Variants in WDR41 observed in about 807,000 individuals in gnomAD.
The protein encoded by WDR41 is WD repeat-containing protein 41.
WDR41 carries 63 observed loss-of-function variants against 69.3 expected under a neutral mutation model. The observed-to-expected ratio is 0.91, with a 90% confidence interval of 0.74 to 1.12. WDR41 has a LOEUF of 1.12. Among genes scored for constraint, WDR41 ranks in the 50% most tolerant of loss-of-function variants. The probability of loss-of-function intolerance (pLI) is 0.00; values close to 1 mark genes in which losing one functional copy is unlikely to be tolerated. For synonymous variants in WDR41, 185 were observed against 192.1 expected, an observed-to-expected ratio of 0.96 and a Z score of 0.31; for missense variants, 543 against 534.5, an observed-to-expected ratio of 1.02 and a Z score of -0.16.
chr5:77,611,426 T>A (rs1336263733), intron 1 of WDR41, among the ~76,000 whole-genome samples: 1 of 152,090 alleles, frequency 6.6e-6, no homozygotes, highest in African/African-American at 2.4e-5. Context: ...CCTCAGCAAA[T>A]GTAAAAGAAC....
intron 1 of WDR41, among the ~76,000 whole-genome samples, chr5:77,565,354 A>G (rs968367021): frequency 6.6e-6 from 1 of 152,112 alleles, no homozygotes; most frequent in Non-Finnish European, 1.5e-5. Context: ...CCAATTCCTA[A>G]AAGTCTCCAT....
chr5:77,549,899 A>T (rs1479802712), intron 1 of WDR41, among the ~76,000 whole-genome samples: 1 of 152,212 alleles, frequency 6.6e-6, no homozygotes, highest in African/African-American at 2.4e-5. Context: ...AAACAGACAC[A>T]TAGACCAATG....
intron 2 of WDR41, among the ~76,000 whole-genome samples, chr5:77,476,708 G>T (rs7735450): frequency 2.0e-5 from 3 of 150,722 alleles, no homozygotes; most frequent in Non-Finnish European, 4.4e-5. Flanking sequence ...AGTACCAGCT[G>T]CTGCAAAATC....
intron 1 of WDR41, among the ~76,000 whole-genome samples, chr5:77,535,926 C>T (rs1263407966): frequency 6.6e-6 from 1 of 152,170 alleles, no homozygotes; most frequent in Admixed American, 6.5e-5. Context: ...GTTTTTCTTT[C>T]ATCTGCCCTT....
intron 2 of WDR41, among the ~76,000 whole-genome samples, chr5:77,483,626 GAA>G (rs1446620497): frequency 1.3e-5 from 2 of 151,898 alleles, no homozygotes; most frequent in Non-Finnish European, 2.9e-5. Context: ...ATAGGTAGAA[GAA>G]AAGTGTTTTC....
rs918393154 is a variant in WDR41, at chr5:77,591,291, T to C, written c.42+29188A>G. 7.9e-5 allele frequency among the ~76,000 whole-genome samples: 12 copies of C among 152,116 alleles called. No homozygotes were observed. The East Asian group carries it at 2.1e-3, about 27-fold the overall frequency. Reference sequence around the variant, plus strand: ...TATTGGTCATTTGTGCCTTCTCTGCTTTTTTTCCTCATCAGTATTAGCAGG... The same window carrying C: ...TATTGGTCATTTGTGCCTTCTCTGCCTTTTTTCCTCATCAGTATTAGCAGG... On this transcript the variant is annotated intron_variant, in intron 1 of 5. Transcript: ENST00000509971.
At chr5:77,525,059 C>T (rs1802425814) in intron 1 of WDR41, among the ~76,000 whole-genome samples, 1 of 152,138 alleles carries the variant, frequency 6.6e-6, no homozygotes, top group Non-Finnish European at 1.5e-5. Context: ...TTTAAAACTA[C>T]AGCTAAATGA....
intron 1 of WDR41, among the ~76,000 whole-genome samples, chr5:77,613,532 C>T (rs1328371235): frequency 6.6e-6 from 1 of 152,006 alleles, no homozygotes; most frequent in Admixed American, 6.6e-5. Flanking sequence ...CTGAGAAAAA[C>T]AAGAAATGGG....
chr5:77,486,690 A>T (rs900169985), intron 2 of WDR41, among the ~76,000 whole-genome samples: 6 of 152,086 alleles, frequency 3.9e-5, no homozygotes, highest in African/African-American at 1.4e-4. Context: ...TTCAGCTGAG[A>T]CCTTCAGCTG....
At chr5:77,477,513 A>C in intron 2 of WDR41, among the ~76,000 whole-genome samples, 1 of 87,900 alleles carries the variant, frequency 1.1e-5, no homozygotes, top group South Asian at 3.9e-4. Flanking sequence ...ACTCAGGATT[A>C]AGAATCCCAC....
chr5:77,620,347 T>C (rs1325906831), intron 1 of WDR41: 5 of 372,554 alleles, frequency 1.3e-5, no homozygotes, highest in African/African-American at 1.1e-4. Context: ...TAAGTCTCTT[T>C]AGTCAAAATG....
At chr5:77,542,528 A>G (rs1743110210) in intron 1 of WDR41, among the ~76,000 whole-genome samples, 1 of 152,248 alleles carries the variant, frequency 6.6e-6, no homozygotes, top group Admixed American at 6.5e-5. Context: ...TGATTCTTAT[A>G]AAATAAAAAT....
intron 4 of WDR41, among the ~76,000 whole-genome samples, chr5:77,461,583 A>C (rs1437066330): frequency 6.6e-5 from 10 of 152,262 alleles, no homozygotes; most frequent in African/African-American, 2.4e-4. Flanking sequence ...CATGCCAGTA[A>C]TCCCAGCACT....
Position 77,451,319 on chromosome 5 carries a change from A to C in WDR41, c.558T>G (p.Cys186Trp). ...GTTCTTTGCCAACTGCTGCCACAAC[A>C]CAGTTCTTAGGTATTTCAACCAAAG... is the stretch of plus-strand genomic sequence containing the variant. ...ISALVEIPKN[C>W]VVAAVGKELI... Residue 186 changes from cysteine (C) to tryptophan (W), a missense_variant, in exon 7 of 13, where the codon TGT (cysteine) becomes TGG (tryptophan). Coordinates refer to ENST00000296679, the MANE Select transcript of WDR41 (RefSeq NM_018268.4). 1 of 1,613,744 alleles carries C rather than the reference A, an allele frequency of 6.2e-7. No individual in the cohort carries two copies. Among genetic ancestry groups the C allele is most frequent in the Non-Finnish European group, 8.5e-7 (1 of 1,179,748 alleles).
At chr5:77,447,793 C>G (rs1268230893) in intron 8 of WDR41, among the ~76,000 whole-genome samples, 1 of 152,038 alleles carries the variant, frequency 6.6e-6, no homozygotes, top group East Asian at 1.9e-4. Flanking sequence ...ACTGAGAGGA[C>G]AGGTTGATAG....
At chr5:77,522,795 G>A (rs1307285961) in intron 1 of WDR41, among the ~76,000 whole-genome samples, 1 of 152,134 alleles carries the variant, frequency 6.6e-6, no homozygotes, top group African/African-American at 2.4e-5. Context: ...AGTATGAGGT[G>A]TTTGAGCAAG....
chr5:77,432,948 G>A lies in WDR41; in HGVS notation c.*187C>T, dbSNP rs1798782415. The A allele has an allele frequency of 5.4e-6, 3 of 558,836 alleles. No homozygotes were observed. The highest frequency in any genetic ancestry group is 9.1e-6 in the Non-Finnish European group (3 of 327,884). 34.6% of individuals were successfully genotyped at this position (558,836 alleles called of 1,614,324 possible). On this transcript the variant is annotated 3_prime_UTR_variant, in exon 13 of 13. Coordinates refer to ENST00000296679, the MANE Select transcript of WDR41 (RefSeq NM_018268.4). ...AAAACTTGTGGTATATTCTTTGGAG[G>A]ATATACTAGGACCTGAGAAGCAACA...
chr5:77,558,115 AAC>A lies in WDR41; in HGVS notation c.42+62362_42+62363del, dbSNP rs1470755880. Among the ~76,000 whole-genome samples, 24 of 146,420 alleles carry A rather than the reference AAC, an allele frequency of 1.6e-4. 1 individual carries two copies. Among genetic ancestry groups the A allele is most frequent in the South Asian group, 2.2e-4 (1 of 4,624 alleles). ...TTTTTAAAAAAAAAAAAAAAAAAAA[AAC>A]AAAACAGGAGTAGGTATGTAGGTAA... is the stretch of plus-strand genomic sequence containing the variant. On this transcript the variant is annotated intron_variant, in intron 1 of 5. Transcript: ENST00000509971.
intron 1 of WDR41, among the ~76,000 whole-genome samples, chr5:77,605,670 GAC>G (rs902634090): frequency 6.6e-6 from 1 of 152,196 alleles, no homozygotes; most frequent in African/African-American, 2.4e-5. Flanking sequence ...AGTATCCACA[GAC>G]ACAGCAGCTG....
Sources: allele counts gnomAD v4.1 joint callset (sites outside exome capture counted in the v4.1 genomes callset), GRCh38; gene constraint gnomAD v4.1.1; transcripts MANE v1.5; gene names NCBI Gene and HGNC (gene_info 2026-07-23, HGNC 2026-07-21).